The following RDX variants were observed in gnomAD, a reference collection of about 807,000 sequenced individuals.
The protein encoded by RDX is radixin, also known as deafness, autosomal recessive 24.
A neutral mutation model predicts 83.7 loss-of-function variants in RDX; 32 were observed. The observed-to-expected ratio is 0.38, with a 90% CI of 0.29 to 0.51. The LOEUF (loss-of-function observed/expected upper bound fraction) is 0.51, where lower values mean the gene tolerates loss of function less well. RDX is among the 20% of genes least tolerant of loss of function. The probability of loss-of-function intolerance (pLI) is 0.87; values close to 1 mark genes in which losing one functional copy is unlikely to be tolerated. For synonymous variants in RDX, 229 were observed against 222.7 expected, an observed-to-expected ratio of 1.03 and a Z score of -0.25; for missense variants, 600 against 689.9, an observed-to-expected ratio of 0.87 and a Z score of 1.46.
At chr11:110,237,204 T>C (rs1864891077) in intron 11 of RDX, among the ~76,000 whole-genome samples, 1 of 151,532 alleles carries the variant, frequency 6.6e-6, no homozygotes, top group South Asian at 2.1e-4. Context: ...CCAACTGACT[T>C]ATTACCGAAC....
At chr11:110,203,413 TAAAAA>T (rs34158580) in intron 14 of RDX, among the ~76,000 whole-genome samples, 3 of 125,530 alleles carry the variant, frequency 2.4e-5, no homozygotes, top group Non-Finnish European at 3.4e-5. Context: ...TGTTAATGGG[TAAAAA>T]AAAAAAAAAA....
chr11:110,232,158 G>A (rs183587203), intron 13 of RDX, 125 bp from the exon 14 acceptor site: 22 of 797,358 alleles, frequency 2.8e-5, no homozygotes, highest in African/African-American at 1.2e-4. Context: ...TTTTTCTTTA[G>A]GTATAAGTTT....
intron 14 of RDX, among the ~76,000 whole-genome samples, chr11:110,212,853 T>C (rs1410468776): frequency 7.0e-6 from 1 of 143,202 alleles, no homozygotes; most frequent in Admixed American, 6.9e-5. Flanking sequence ...ATAAGAGCTA[T>C]CTATGACAAA....
chr11:110,256,874 T>C lies in RDX; in HGVS notation c.698+893A>G, dbSNP rs148608364. ...TAAAATGCTCTTGTTTGGAATCACATATGCTTTGAAATTAGTATTTTATTA... is the reference window on the plus strand; with the variant it reads ...TAAAATGCTCTTGTTTGGAATCACACATGCTTTGAAATTAGTATTTTATTA... On this transcript the variant is annotated intron_variant, in intron 7 of 13. Coordinates refer to ENST00000645495, the MANE Select transcript of RDX (RefSeq NM_002906.4). 2.6e-5 allele frequency among the ~76,000 whole-genome samples: 4 copies of C among 152,342 alleles called. No homozygotes were observed. In the East Asian group the frequency reaches 7.7e-4, roughly 29 times the overall value.
intron 5 of RDX, among the ~76,000 whole-genome samples, chr11:110,262,591 GAAA>G (rs5794681): frequency 2.1e-5 from 3 of 146,192 alleles, no homozygotes; most frequent in African/African-American, 7.5e-5. Flanking sequence ...CCATCTCAAA[GAAA>G]AAAAAAAAAA....
At chr11:110,194,483 G>C (rs1863162962) in intron 15 of RDX, among the ~76,000 whole-genome samples, 1 of 152,172 alleles carries the variant, frequency 6.6e-6, no homozygotes, top group Non-Finnish European at 1.5e-5. Context: ...GCCTCCCAAA[G>C]TGCTGGGATT....
At chr11:110,232,076 A>AT (rs2134298258) in intron 13 of RDX, 43 bp from the exon 14 acceptor site, 1 of 1,454,528 alleles carries the variant, frequency 6.9e-7, no homozygotes, top group East Asian at 2.4e-5. Flanking sequence ...TTTTTCTTAG[A>AT]TTTAAAAAAA....
downstream of RDX, among the ~76,000 whole-genome samples, chr11:110,225,885 A>T (rs762193570): frequency 2.1e-5 from 3 of 143,054 alleles, no homozygotes; most frequent in African/African-American, 7.6e-5. Flanking sequence ...TGTCTCTACT[A>T]AAAAAAAAAA....
chr11:110,180,608 C>T (rs960959042), intron 15 of RDX, among the ~76,000 whole-genome samples: 13 of 152,062 alleles, frequency 8.5e-5, no homozygotes, highest in African/African-American at 2.9e-4. Flanking sequence ...CCTTCATCAG[C>T]CTTCTTGCAG....
chr11:110,176,515 G>A (rs925780427), intron 15 of RDX, among the ~76,000 whole-genome samples: 1 of 152,112 alleles, frequency 6.6e-6, no homozygotes, highest in Non-Finnish European at 1.5e-5. Flanking sequence ...CGGGGTGCCT[G>A]GGGACATTGC....
At chr11:110,182,687 A>G (rs1862911226) in intron 15 of RDX, among the ~76,000 whole-genome samples, 1 of 152,180 alleles carries the variant, frequency 6.6e-6, no homozygotes, top group African/African-American at 2.4e-5. Flanking sequence ...GCCATGGGCA[A>G]TGGTTTCTCA....
At chr11:110,258,022 T>C in intron 6 of RDX, 84 bp downstream of exon 6, 2 of 1,482,628 alleles carry the variant, frequency 1.3e-6, no homozygotes, top group Non-Finnish European at 1.9e-6. Context: ...AAACAATCTT[T>C]TGGAAATAAT....
chr11:110,237,444 C>A, intron 11 of RDX, 48 bp downstream of exon 11: 1 of 1,589,548 alleles, frequency 6.3e-7, no homozygotes, highest in Non-Finnish European at 8.6e-7. Context: ...AGAGGGTTCA[C>A]TCTATGCTTT....
intron 15 of RDX, among the ~76,000 whole-genome samples, chr11:110,175,465 C>A (rs1366301945): frequency 6.6e-6 from 1 of 152,234 alleles, no homozygotes; most frequent in Non-Finnish European, 1.5e-5. Context: ...GGTAGCCAAA[C>A]AGATTCCCTT....
At chr11:110,276,952 G>C (rs1457160378) in intron 2 of RDX, among the ~76,000 whole-genome samples, 1 of 152,162 alleles carries the variant, frequency 6.6e-6, no homozygotes, top group African/African-American at 2.4e-5. Flanking sequence ...TTTTAGAGGT[G>C]ATGCCATAGA....
At chr11:110,274,626 G>A (rs1860439510) in intron 2 of RDX, among the ~76,000 whole-genome samples, 1 of 149,614 alleles carries the variant, frequency 6.7e-6, no homozygotes, top group East Asian at 2.0e-4. Context: ...TGAGTGGCTG[G>A]GACTACTGTT....
chr11:110,274,028 CAT>C (rs1860408841), intron 2 of RDX, among the ~76,000 whole-genome samples: 1 of 152,176 alleles, frequency 6.6e-6, no homozygotes, highest in Non-Finnish European at 1.5e-5. Context: ...CTTATTTCCC[CAT>C]ATGTCTAACA....
At chr11:110,296,372 G>C (rs1305742930) in intron 1 of RDX, 95 bp downstream of exon 1, 1 of 151,728 alleles carries the variant, frequency 6.6e-6, no homozygotes, top group Non-Finnish European at 1.5e-5. Flanking sequence ...CGCCACGGCC[G>C]GGCAGCACGG....
intron 15 of RDX, among the ~76,000 whole-genome samples, chr11:110,191,503 C>A (rs1272099418): frequency 6.6e-6 from 1 of 152,194 alleles, no homozygotes; most frequent in Non-Finnish European, 1.5e-5. Context: ...CGAACAGGAA[C>A]AAGACAAGGA....
Sources: allele counts gnomAD v4.1 joint callset (sites outside exome capture counted in the v4.1 genomes callset), GRCh38; gene constraint gnomAD v4.1.1; transcripts MANE v1.5; gene names NCBI Gene and HGNC (gene_info 2026-07-23, HGNC 2026-07-21).